Variants in NOL4 observed in about 807,000 individuals in gnomAD.
NOL4 encodes the protein cancer/testis antigen 125.
Under a neutral mutation model 75.9 loss-of-function variants are expected in NOL4, and 17 were observed. The ratio of observed to expected loss-of-function variants is 0.22; its 90% CI spans 0.15 to 0.34. The LOEUF is 0.34. Among genes scored for constraint, NOL4 ranks in the 10% least tolerant of loss-of-function variants. NOL4 has a pLI of 1.00. For missense variants in NOL4, 614 were observed against 793.5 expected (o/e 0.77, Z 2.72); for synonymous variants, 292 against 289.9 (o/e 1.01, Z -0.07).
At chr18:34,124,353 GAA>G (rs2145864386) in intron 2 of NOL4, among the ~76,000 whole-genome samples, 1 of 152,222 alleles carries the variant, frequency 6.6e-6, no homozygotes, top group African/African-American at 2.4e-5. Context: ...TTCTATGAGT[GAA>G]TTGTGCCTAG....
At chr18:34,059,884 C>A (rs1490991356) in intron 5 of NOL4, among the ~76,000 whole-genome samples, 1 of 152,064 alleles carries the variant, frequency 6.6e-6, no homozygotes, top group Non-Finnish European at 1.5e-5. Context: ...GAGAAACAGA[C>A]CCAAATGGTC....
chr18:34,200,329 T>A (rs990092046), intron 1 of NOL4, among the ~76,000 whole-genome samples: 1 of 151,806 alleles, frequency 6.6e-6, no homozygotes, highest in African/African-American at 2.4e-5. Context: ...ATTGTCTCAG[T>A]ACCGGTGCCA....
At chr18:34,000,243 G>A (rs2073601763) in intron 6 of NOL4, among the ~76,000 whole-genome samples, 1 of 152,108 alleles carries the variant, frequency 6.6e-6, no homozygotes, top group Admixed American at 6.6e-5. Context: ...CAGTCAACCT[G>A]CTCAGGAGCT....
At chr18:34,040,509 T>TA (rs2076095573) in intron 5 of NOL4, among the ~76,000 whole-genome samples, 1 of 151,982 alleles carries the variant, frequency 6.6e-6, no homozygotes, top group African/African-American at 2.4e-5. Flanking sequence ...TATATTTTAT[T>TA]AATATACTTT....
At chr18:34,037,134 G>A (rs2075942661) in intron 5 of NOL4, among the ~76,000 whole-genome samples, 1 of 152,090 alleles carries the variant, frequency 6.6e-6, no homozygotes, top group Non-Finnish European at 1.5e-5. Flanking sequence ...ACACCATAGT[G>A]AAATAGCTGA....
At chr18:34,136,852 G>T (rs904266673) in intron 1 of NOL4, among the ~76,000 whole-genome samples, 1 of 151,920 alleles carries the variant, frequency 6.6e-6, no homozygotes, top group Non-Finnish European at 1.5e-5. Flanking sequence ...AACGAGATTA[G>T]CCAAAATAGC....
At chr18:34,069,758 T>C (rs2077430563) in intron 5 of NOL4, among the ~76,000 whole-genome samples, 1 of 152,208 alleles carries the variant, frequency 6.6e-6, no homozygotes, top group Non-Finnish European at 1.5e-5. Flanking sequence ...TTACTTTCCA[T>C]GTCAGACTTG....
In NOL4 at chr18:33,896,920, A is replaced by G. The variant is rs12957392; in HGVS notation, c.1543-13496T>C. On this transcript the variant is annotated intron_variant, in intron 9 of 10. Coordinates refer to ENST00000261592, the MANE Select transcript of NOL4 (RefSeq NM_003787.5). ...ATCTATAAGGAACTTAAAATTTACA[A>G]CAGCAAAACAACCCCATTAAAAAGT... 3.9e-5 allele frequency among the ~76,000 whole-genome samples: 6 copies of G among 152,276 alleles called. No homozygotes were observed. In the South Asian group the frequency reaches 1.0e-3, roughly 26 times the overall value.
chr18:33,940,469 T>C (rs1281278382), intron 9 of NOL4, among the ~76,000 whole-genome samples: 1 of 151,984 alleles, frequency 6.6e-6, no homozygotes, highest in African/African-American at 2.4e-5. Context: ...CAAACACGCA[T>C]GTTCTCACTC....
At chr18:34,090,796 C>A (rs908975473) in intron 5 of NOL4, among the ~76,000 whole-genome samples, 1 of 152,042 alleles carries the variant, frequency 6.6e-6, no homozygotes, top group East Asian at 1.9e-4. Flanking sequence ...GGATGAAAGC[C>A]TACTTGAGAT....
At chr18:34,217,676 C>T (rs1436631905) in intron 1 of NOL4, among the ~76,000 whole-genome samples, 2 of 152,002 alleles carry the variant, frequency 1.3e-5, no homozygotes, top group African/African-American at 4.8e-5. Flanking sequence ...TTCTATGAAT[C>T]ATATTTTAAG....
chr18:33,979,141 T>A (rs1359816881), intron 6 of NOL4, among the ~76,000 whole-genome samples: 1 of 152,088 alleles, frequency 6.6e-6, no homozygotes, highest in Non-Finnish European at 1.5e-5. Context: ...ATAAAACAGA[T>A]GAATGTTTAG....
rs781256533 is a variant in NOL4, at chr18:33,851,610, C to T, written c.*1232G>A. 3.3e-5 allele frequency: 5 copies of T among 152,364 alleles called. No individual in the cohort carries two copies. Among genetic ancestry groups the T allele is most frequent in the Non-Finnish European group, 5.9e-5 (4 of 67,986 alleles). The allele number at this position is 152,364 out of a possible 1,614,324, so 9.4% of individuals were successfully genotyped here. On this transcript the variant is annotated 3_prime_UTR_variant, in exon 11 of 11. Coordinates refer to ENST00000261592, the MANE Select transcript of NOL4 (RefSeq NM_003787.5). ...TGTATAAGAAGCATGAACTAAAGTA[C>T]TTCTCCCTAAATATTTAAAAAATAG...
chr18:34,136,744 C>T (rs1302684683), intron 1 of NOL4, among the ~76,000 whole-genome samples: 2 of 151,858 alleles, frequency 1.3e-5, no homozygotes, highest in African/African-American at 4.8e-5. Context: ...CAATATAAAC[C>T]TTATTTTGCA....
At position 34,134,765 on chromosome 18, in the gene NOL4, T is replaced by G. The variant is rs143439086; in HGVS notation, c.265-4745A>C. Among the ~76,000 whole-genome samples, 75 of 152,228 alleles carry G rather than the reference T, an allele frequency of 4.9e-4. 1 individual carries two copies. Among genetic ancestry groups the G allele is most frequent in the Non-Finnish European group, 1.0e-3 (69 of 68,008 alleles). On this transcript the variant is annotated intron_variant, in intron 1 of 10. Transcript: ENST00000261592. ...AGGGATTGAAAATATATTTTACATG[T>G]TTTATGACCAAAATGGAATTAAATT... is the stretch of plus-strand genomic sequence containing the variant.
intron 1 of NOL4, among the ~76,000 whole-genome samples, chr18:34,162,172 A>C (rs554033860): frequency 1.2e-4 from 18 of 152,182 alleles, no homozygotes; most frequent in Non-Finnish European, 1.8e-4. Context: ...ATCACAATTA[A>C]AAGAACTAGA....
At chr18:33,863,651 A>T (rs533903125) in intron 10 of NOL4, among the ~76,000 whole-genome samples, 1 of 152,288 alleles carries the variant, frequency 6.6e-6, no homozygotes, top group Admixed American at 6.5e-5. Context: ...AGCCTTGGGC[A>T]GCTCCCTCAT....
intron 10 of NOL4, among the ~76,000 whole-genome samples, chr18:33,863,402 C>T (rs967970143): frequency 1.3e-5 from 2 of 151,906 alleles, no homozygotes; most frequent in African/African-American, 4.8e-5. Context: ...GCATATGTAC[C>T]CTAAACTTAA....
intron 10 of NOL4, among the ~76,000 whole-genome samples, chr18:33,867,467 G>A (rs879404461): frequency 9.2e-5 from 14 of 151,880 alleles, no homozygotes; most frequent in South Asian, 2.1e-4. Context: ...AAAAAATTGC[G>A]GCCTATTGAT....
Sources: allele counts gnomAD v4.1 joint callset (sites outside exome capture counted in the v4.1 genomes callset), GRCh38; gene constraint gnomAD v4.1.1; transcripts MANE v1.5; gene names NCBI Gene and HGNC (gene_info 2026-07-23, HGNC 2026-07-21).